Variants in VIPR2 observed in about 807,000 individuals in gnomAD.
VIPR2 encodes the protein vasoactive intestinal polypeptide receptor 2.
In VIPR2, 48 loss-of-function variants were observed where a neutral mutation model predicts 58.0. The ratio of observed to expected loss-of-function variants is 0.83; its 90% CI spans 0.66 to 1.05. The LOEUF (loss-of-function observed/expected upper bound fraction) is 1.05, where lower values mean the gene tolerates loss of function less well. Ranked by LOEUF, VIPR2 falls within the 50% of genes least tolerant of loss-of-function variation. The pLI, the probability that VIPR2 is intolerant of heterozygous loss-of-function variation, is 0.00. For synonymous variants in VIPR2, 243 were observed against 235.2 expected (o/e 1.03, Z -0.30); for missense variants, 534 against 558.0 (o/e 0.96, Z 0.43).
chr7:159,048,556 C>T (rs1854786086), intron 5 of VIPR2, among the ~76,000 whole-genome samples: 1 of 152,188 alleles, frequency 6.6e-6, no homozygotes, highest in Admixed American at 6.5e-5. Context: ...TGAAGACTTA[C>T]TCTGAACACA....
chr7:159,030,626 G>C lies in VIPR2; in HGVS notation c.1307C>G (p.Ser436Trp), dbSNP rs991540369. The C allele has an allele frequency of 3.2e-6, 5 of 1,546,918 alleles. No individual in the cohort carries two copies. In the Admixed American group the frequency reaches 5.9e-5, roughly 18 times the overall value. Reference protein sequence around the residue: ...RAQSFLQTETSVI With the variant: ...RAQSFLQTETWVI ...CAGGCAGGGGTGGGGCTAGATGACC[G>C]AGGTCTCCGTTTGCAGGAAGGACTG... Residue 436 changes from serine to tryptophan, a missense_variant, in exon 13 of 13, where the codon TCG (serine) becomes TGG (tryptophan). Transcript: ENST00000262178.
intron 1 of VIPR2, 195 bp downstream of exon 1, chr7:159,144,526 G>GA (rs2129498831): frequency 6.6e-7 from 1 of 1,518,326 alleles, no homozygotes; most frequent in Non-Finnish European, 8.9e-7. Flanking sequence ...CCCGCAACCC[G>GA]GCGGGACCGG....
intron 2 of VIPR2, among the ~76,000 whole-genome samples, chr7:159,122,645 T>C (rs1215836629): frequency 6.6e-6 from 1 of 152,216 alleles, no homozygotes; most frequent in Non-Finnish European, 1.5e-5. Context: ...TGTGAGTCTT[T>C]GTGTCTTCTC....
intron 6 of VIPR2, among the ~76,000 whole-genome samples, chr7:159,041,113 TTCC>T (rs1385090888): frequency 6.6e-6 from 1 of 152,168 alleles, no homozygotes; most frequent in Non-Finnish European, 1.5e-5. Flanking sequence ...TCTGCCCAGT[TTCC>T]TCGTCTGTGA....
At chr7:159,094,944 C>T (rs1311885406) in intron 4 of VIPR2, among the ~76,000 whole-genome samples, 2 of 152,124 alleles carry the variant, frequency 1.3e-5, no homozygotes, top group Non-Finnish European at 2.9e-5. Flanking sequence ...GCTTTGCTAG[C>T]AAATATTTGT....
chr7:159,101,802 C>T (rs552701013), intron 4 of VIPR2, among the ~76,000 whole-genome samples: 16 of 140,932 alleles, frequency 1.1e-4, no homozygotes, highest in East Asian at 8.7e-4. Context: ...CGAGATCCGA[C>T]GAGGCCGTTC....
At chr7:159,121,610 A>AT (rs1796459670) in intron 2 of VIPR2, among the ~76,000 whole-genome samples, 1 of 152,194 alleles carries the variant, frequency 6.6e-6, no homozygotes, top group African/African-American at 2.4e-5. Context: ...TTAATATATC[A>AT]TGCATATTTT....
rs868300257 is a variant in VIPR2 at position 159,090,138 on chromosome 7, C to T, written c.357+13619G>A. Reference sequence around the variant, plus strand: ...ATCCCCGGTGACCTCAGCACAGACACGCTGGGACCACACACAGGGGCCACC... The same window carrying T: ...ATCCCCGGTGACCTCAGCACAGACATGCTGGGACCACACACAGGGGCCACC... On this transcript the variant is annotated intron_variant, in intron 4 of 12. Transcript: ENST00000262178. 1.8e-3 allele frequency among the ~76,000 whole-genome samples: 189 copies of T among 104,412 alleles called. 11 individuals carry two copies. The highest frequency in any genetic ancestry group is 6.4e-3 in the African/African-American group (173 of 26,932). The allele number at this position is 104,412 out of a possible 152,430, so 68.5% of individuals were successfully genotyped here. A position where few individuals can be genotyped will look rare whatever the true frequency, so the allele number is the denominator to read the frequency against.
Position 159,095,159 on chromosome 7 carries a change from C to T in VIPR2, c.357+8598G>A, listed in dbSNP as rs151055101. The stretch of plus-strand genomic sequence containing the variant: ...ACCACACACAGCGCACTATCCTGGC[C>T]TGGAGTCTATGAAATCGGAGCCGAG... On this transcript the variant is annotated intron_variant, in intron 4 of 12. Coordinates refer to ENST00000262178, the MANE Select transcript of VIPR2 (RefSeq NM_003382.5). The surrounding 1 kb of genome is among the most constrained non-coding windows in gnomAD (Gnocchi z 5.2). Among the ~76,000 whole-genome samples the T allele has an allele frequency of 4.2e-3, 646 of 152,294 alleles. 2 individuals are homozygous for T. The highest frequency in any genetic ancestry group is 0.015 in the African/African-American group (621 of 41,552).
Position 159,093,087 on chromosome 7 carries a change from T to C in VIPR2, c.357+10670A>G, listed in dbSNP as rs1857595889. 6.6e-6 allele frequency among the ~76,000 whole-genome samples: 1 copy of C among 152,172 alleles called. No homozygotes were observed. The highest frequency in any genetic ancestry group is 6.5e-5 in the Admixed American group (1 of 15,276). On this transcript the variant is annotated intron_variant, in intron 4 of 12. Coordinates refer to ENST00000262178, the MANE Select transcript of VIPR2 (RefSeq NM_003382.5). The surrounding 1 kb of genome is among the most constrained non-coding windows in gnomAD (Gnocchi z 6.7). ...GTGCCGTCCACTCAGAGAACCCGTC[T>C]AGCAGCGGAGATGCTGCTCCCAAGC...
intron 2 of VIPR2, among the ~76,000 whole-genome samples, chr7:159,132,998 T>C (rs144643546): frequency 0.028 from 3,660 of 130,618 alleles, 140 homozygotes; most frequent in Middle Eastern, 0.067. Flanking sequence ...GACAGAATGA[T>C]TGGCATACAG....
intron 2 of VIPR2, among the ~76,000 whole-genome samples, chr7:159,134,611 A>C (rs1008304871): frequency 2.6e-5 from 4 of 152,172 alleles, no homozygotes; most frequent in Non-Finnish European, 5.9e-5. Context: ...AAAAGCTTCA[A>C]GTACTGACAC....
At chr7:159,144,104 G>GT (rs1177168526) in intron 1 of VIPR2, among the ~76,000 whole-genome samples, 31 of 152,248 alleles carry the variant, frequency 2.0e-4, no homozygotes, top group African/African-American at 7.5e-4. Context: ...CAAGGCTCGG[G>GT]TTTTTTTCTT....
At chr7:159,057,170 C>T (rs542560619) in intron 5 of VIPR2, among the ~76,000 whole-genome samples, 7 of 152,052 alleles carry the variant, frequency 4.6e-5, no homozygotes, top group Non-Finnish European at 1.0e-4. Context: ...ATTCAATTTC[C>T]CTGGGTCAGC....
intron 8 of VIPR2, 86 bp downstream of exon 8, chr7:159,035,850 CCCTGTCCTTCCAACCA>C: frequency 6.6e-7 from 1 of 1,506,596 alleles, no homozygotes; most frequent in Non-Finnish European, 8.9e-7. Context: ...CGCAAACGCT[CCCTGTCCTTCCAACCA>C]GGTAACCTTC....
At chr7:159,064,340 G>A (rs529978421) in intron 4 of VIPR2, among the ~76,000 whole-genome samples, 10 of 152,174 alleles carry the variant, frequency 6.6e-5, no homozygotes, top group South Asian at 2.1e-4. Context: ...GAGGACCCCC[G>A]GCTGCCCCTC....
chr7:159,037,217 C>A (rs563120532), intron 6 of VIPR2, among the ~76,000 whole-genome samples: 1 of 152,232 alleles, frequency 6.6e-6, no homozygotes, highest in African/African-American at 2.4e-5. Flanking sequence ...CTGGCCCTCC[C>A]GTTCTCAGCT....
chr7:159,109,737 T>C (rs1020007759), intron 3 of VIPR2, 75 bp downstream of exon 3: 11 of 1,392,668 alleles, frequency 7.9e-6, no homozygotes, highest in Non-Finnish European at 1.1e-5. Flanking sequence ...ATGTTCCTGC[T>C]TCTTGGATGG....
Position 159,029,252 on chromosome 7 carries a change from G to A in VIPR2, c.*1364C>T, listed in dbSNP as rs1235850994. On this transcript the variant is annotated 3_prime_UTR_variant, in exon 13 of 13. Transcript: ENST00000262178. ...GTGCTCAGAACAACTGAGTCCCACA[G>A]TCGGGGCACCTGGGCCAGGGCTGGG... 6.6e-6 allele frequency: 1 copy of A among 152,494 alleles called. No homozygotes were observed. The highest frequency in any genetic ancestry group is 2.4e-5 in the African/African-American group (1 of 41,578). 9.4% of individuals were successfully genotyped at this position (152,494 alleles called of 1,614,324 possible). A position where few individuals can be genotyped will look rare whatever the true frequency, so the allele number is the denominator to read the frequency against.
Sources: allele counts gnomAD v4.1 joint callset (sites outside exome capture counted in the v4.1 genomes callset), GRCh38; gene constraint gnomAD v4.1.1; non-coding constraint Gnocchi (gnomAD v3.1); transcripts MANE v1.5; gene names NCBI Gene and HGNC (gene_info 2026-07-23, HGNC 2026-07-21).